The following FMR1NB variants were observed in gnomAD, a reference collection of about 807,000 sequenced individuals.
The protein encoded by FMR1NB is FMR1 neighbor protein.
FMR1NB carries 10 observed loss-of-function variants against 16.8 expected under a neutral mutation model. That is an observed-to-expected ratio of 0.60 (90% CI 0.37 to 1.01). FMR1NB has a LOEUF of 1.01. FMR1NB is among the 50% of genes least tolerant of loss of function. The pLI, the probability that FMR1NB is intolerant of heterozygous loss-of-function variation, is 0.01. For missense variants in FMR1NB, 205 were observed against 204.8 expected (o/e 1.00, Z 0.00); for synonymous variants, 83 against 79.1 (o/e 1.05, Z -0.26).
chrX:147,995,185 G>A (rs1295693447), intron 1 of FMR1NB, among the ~76,000 whole-genome samples: 1 of 112,113 alleles, frequency 8.9e-6, no homozygotes, highest in East Asian at 2.8e-4. Flanking sequence ...CTAGCCTCCA[G>A]AGGTGTGAGA....
chrX:148,009,732 G>A (rs1246830828), intron 4 of FMR1NB, among the ~76,000 whole-genome samples: 2 of 111,299 alleles, frequency 1.8e-5, no homozygotes, highest in Non-Finnish European at 3.8e-5. Flanking sequence ...GCCTGTTGAA[G>A]GTTAAGCATG....
chrX:147,984,950 G>A (rs2044468758), intron 1 of FMR1NB, among the ~76,000 whole-genome samples: 1 of 111,985 alleles, frequency 8.9e-6, no homozygotes, highest in East Asian at 2.8e-4. Context: ...ATATGAAATT[G>A]TTTCCCTTTG....
chrX:147,992,782 T>G (rs879133336), intron 1 of FMR1NB, among the ~76,000 whole-genome samples: 2 of 63,522 alleles, frequency 3.1e-5, no homozygotes, highest in Non-Finnish European at 5.5e-5. Context: ...CCAGATGGGG[T>G]GGCGGGGCAG....
rs144686996 is a variant in FMR1NB at position 147,997,976 on chromosome X, A to G, written c.278-5225A>G. Among the ~76,000 whole-genome samples the G allele has an allele frequency of 3.4e-3, 381 of 112,745 alleles. 3 individuals are homozygous for G. Among genetic ancestry groups the G allele is most frequent in the African/African-American group, 0.012 (361 of 31,026 alleles). On this transcript the variant is annotated intron_variant, in intron 1 of 5. Transcript: ENST00000370467. The stretch of plus-strand genomic sequence containing the variant: ...ACAACAGATGATGGAGAGGATGTGG[A>G]GAAACAGGAACGCTTTTACACTGTT...
intron 4 of FMR1NB, among the ~76,000 whole-genome samples, chrX:148,016,973 A>G (rs1167974913): frequency 1.8e-5 from 2 of 111,196 alleles, no homozygotes; most frequent in Non-Finnish European, 3.8e-5. Context: ...CAGATGATTT[A>G]TTATTGGTCA....
At chrX:148,010,277 G>A (rs1417230696) in intron 4 of FMR1NB, among the ~76,000 whole-genome samples, 1 of 112,616 alleles carries the variant, frequency 8.9e-6, no homozygotes, top group Non-Finnish European at 1.9e-5. Context: ...TGCAAGAGCA[G>A]TATGCTCCTT....
chrX:148,021,803 A>T (rs782002896), intron 4 of FMR1NB, among the ~76,000 whole-genome samples: 1 of 108,368 alleles, frequency 9.2e-6, no homozygotes, highest in East Asian at 2.9e-4. Context: ...TCTCCGCTTC[A>T]TTTTTGCTGA....
chrX:147,985,765 G>A (rs2044473062), intron 1 of FMR1NB, among the ~76,000 whole-genome samples: 1 of 112,091 alleles, frequency 8.9e-6, no homozygotes, highest in African/African-American at 3.2e-5. Flanking sequence ...TGTAAATAGT[G>A]CTGCAATAAA....
chrX:148,017,257 A>C (rs2044654376), intron 4 of FMR1NB, among the ~76,000 whole-genome samples: 1 of 110,689 alleles, frequency 9.0e-6, no homozygotes, highest in Non-Finnish European at 1.9e-5. Flanking sequence ...GCTCCATTGT[A>C]TGTTATTTGT....
chrX:147,981,928 C>G (rs1485550945), intron 1 of FMR1NB, among the ~76,000 whole-genome samples: 1 of 111,654 alleles, frequency 9.0e-6, no homozygotes, highest in African/African-American at 3.3e-5. Context: ...CCCCAACTTC[C>G]CCTAACAAAA....
chrX:148,000,916 TAAAG>T (rs1447385574), intron 1 of FMR1NB, among the ~76,000 whole-genome samples: 1 of 111,816 alleles, frequency 8.9e-6, no homozygotes, highest in Non-Finnish European at 1.9e-5. Context: ...GTTAATATTG[TAAAG>T]AAAGGAGACA....
intron 3 of FMR1NB, 123 bp downstream of exon 3, chrX:148,006,965 G>A (rs782446038): frequency 4.4e-5 from 34 of 769,593 alleles, no homozygotes; most frequent in Non-Finnish European, 6.2e-5. Context: ...TCCTAGAGCG[G>A]TGCTCCTTAG....
At chrX:148,002,069 G>A (rs1042489015) in intron 1 of FMR1NB, among the ~76,000 whole-genome samples, 1 of 111,020 alleles carries the variant, frequency 9.0e-6, no homozygotes. Flanking sequence ...TGCCTTTATA[G>A]AGGTAAAAAT....
At chrX:148,002,036 G>A (rs1557188693) in intron 1 of FMR1NB, among the ~76,000 whole-genome samples, 2 of 111,206 alleles carry the variant, frequency 1.8e-5, no homozygotes, top group African/African-American at 3.3e-5. Flanking sequence ...CCATGAAAAT[G>A]TTGGGAGTAT....
In FMR1NB at chrX:147,988,595, T is replaced by C. The variant is rs140749678; in HGVS notation, c.277+6916T>C. Among the ~76,000 whole-genome samples, 39 of 111,733 alleles carry C rather than the reference T, an allele frequency of 3.5e-4. No homozygotes were observed. The East Asian group carries it at 0.01, about 30-fold the overall frequency. On this transcript the variant is annotated intron_variant, in intron 1 of 5. Coordinates refer to ENST00000370467, the MANE Select transcript of FMR1NB (RefSeq NM_152578.3). ...AGTTCTCCTGGATAACATCCTGAAG[T>C]GTGTTTTCCAACTTTGTTCCATTCT...
rs1308862872 is a variant in FMR1NB, at chrX:148,008,487, C to T, written c.539-131C>T. On this transcript the variant is annotated intron_variant, in intron 3 of 5. Coordinates refer to ENST00000370467, the MANE Select transcript of FMR1NB (RefSeq NM_152578.3). ...CTTATAAAGTAGCAAGGATATTTACCTGTCACATAAGAATACCTCCTCATT... is the reference window on the plus strand; with the variant it reads ...CTTATAAAGTAGCAAGGATATTTACTTGTCACATAAGAATACCTCCTCATT... 1.6e-5 allele frequency: 8 copies of T among 510,958 alleles called. No homozygotes were observed. The East Asian group carries it at 2.9e-4, about 19-fold the overall frequency. The allele number at this position is 510,958 out of a possible 1,213,427, so 42.1% of individuals were successfully genotyped here.
rs142312123 is a variant in FMR1NB, at chrX:147,981,592, C to G, written c.190C>G (p.Arg64Gly). The G allele has an allele frequency of 9.7e-5, 117 of 1,209,179 alleles. No individual in the cohort carries two copies. Among genetic ancestry groups the G allele is most frequent in the Non-Finnish European group, 1.2e-4 (109 of 894,928 alleles). ...AGGATGGCGGGAATCTCTAAAGATG[C>G]GGGTCAGCAAACCCTTTGGGATGCT... ...QPGWRESLKM[R>G]VSKPFGMLML... is the part of the protein sequence containing the mutation. Residue 64 changes from arginine (R) to glycine (G), a missense_variant, in exon 1 of 6, where the codon CGG becomes GGG. Transcript: ENST00000370467.
chrX:147,982,588 CAAAAAAAAAA>C (rs79206034), intron 1 of FMR1NB, among the ~76,000 whole-genome samples: 1 of 28,466 alleles, frequency 3.5e-5, no homozygotes, highest in African/African-American at 1.5e-4. Flanking sequence ...GACTCCGTCT[CAAAAAAAAAA>C]AAAAAAAAAA....
At chrX:147,982,854 A>G (rs889189645) in intron 1 of FMR1NB, among the ~76,000 whole-genome samples, 8 of 111,993 alleles carry the variant, frequency 7.1e-5, no homozygotes, top group African/African-American at 2.6e-4. Context: ...AGATCGCGCC[A>G]CTACACTCCA....
Sources: allele counts gnomAD v4.1 joint callset (sites outside exome capture counted in the v4.1 genomes callset), GRCh38; gene constraint gnomAD v4.1.1; transcripts MANE v1.5; gene names NCBI Gene and HGNC (gene_info 2026-07-23, HGNC 2026-07-21).